Variants in SLC5A10 observed in about 807,000 individuals in gnomAD.
The protein encoded by SLC5A10 is solute carrier family 5 member 10.
Under a neutral mutation model 68.9 loss-of-function variants are expected in SLC5A10, and 55 were observed. That is an observed-to-expected ratio of 0.80 (90% CI 0.64 to 1.00). SLC5A10 has a LOEUF of 1.00. Among genes scored for constraint, SLC5A10 ranks in the 50% least tolerant of loss-of-function variants. The pLI, the probability that SLC5A10 is intolerant of heterozygous loss-of-function variation, is 0.00. For synonymous variants in SLC5A10, 344 were observed against 344.8 expected, an observed-to-expected ratio of 1.00 and a Z score of 0.02; for missense variants, 732 against 819.3, an observed-to-expected ratio of 0.89 and a Z score of 1.30.
intron 9 of SLC5A10, among the ~76,000 whole-genome samples, chr17:19,009,775 A>G (rs1160986421): frequency 1.3e-5 from 2 of 152,092 alleles, no homozygotes; most frequent in African/African-American, 4.8e-5. Context: ...CTGAGGCCCC[A>G]TAGTCATAGT....
At chr17:18,964,909 G>A (rs911022550) in intron 5 of SLC5A10, among the ~76,000 whole-genome samples, 3 of 152,120 alleles carry the variant, frequency 2.0e-5, no homozygotes, top group African/African-American at 4.8e-5. Context: ...TTGGGAGGCC[G>A]AGGCGGGTGG....
intron 1 of SLC5A10, chr17:18,953,707 T>A (rs1349977187): frequency 6.6e-6 from 1 of 152,584 alleles, no homozygotes; most frequent in Non-Finnish European, 1.5e-5. Context: ...AAATTAATTA[T>A]CACAGGTTGG....
chr17:19,013,994 C>T (rs1320537070), intron 10 of SLC5A10, among the ~76,000 whole-genome samples: 2 of 152,158 alleles, frequency 1.3e-5, no homozygotes, highest in South Asian at 2.1e-4. Flanking sequence ...ACTCACTTTC[C>T]TTTGGGCTCC....
intron 9 of SLC5A10, among the ~76,000 whole-genome samples, chr17:19,007,856 A>G (rs1370410234): frequency 6.6e-6 from 1 of 152,254 alleles, no homozygotes; most frequent in Non-Finnish European, 1.5e-5. Context: ...GTCAAAATGA[A>G]AATGTAGAGA....
intron 9 of SLC5A10, among the ~76,000 whole-genome samples, chr17:19,005,382 G>T (rs1022783249): frequency 2.7e-5 from 4 of 149,850 alleles, no homozygotes; most frequent in Admixed American, 2.7e-4. Context: ...TCTGCTGAGC[G>T]TCCCCTGGGG....
At chr17:18,992,148 G>A (rs765591006) in intron 9 of SLC5A10, among the ~76,000 whole-genome samples, 5 of 152,100 alleles carry the variant, frequency 3.3e-5, no homozygotes, top group African/African-American at 4.8e-5. Flanking sequence ...GCCCTCCAGC[G>A]CCCCGCCCGA....
At chr17:18,999,574 A>G (rs2043673273) in intron 9 of SLC5A10, among the ~76,000 whole-genome samples, 1 of 152,210 alleles carries the variant, frequency 6.6e-6, no homozygotes, top group African/African-American at 2.4e-5. Flanking sequence ...GGAGGATTAC[A>G]CAGCATGGTA....
intron 5 of SLC5A10, among the ~76,000 whole-genome samples, chr17:18,963,270 A>G (rs1682718510): frequency 6.6e-6 from 1 of 152,242 alleles, no homozygotes; most frequent in African/African-American, 2.4e-5. Context: ...TGACACACTG[A>G]GGTCCAGGTC....
rs545100920 is a variant in SLC5A10, at chr17:18,958,829, C to A, written c.183+76C>A. 9.5e-5 allele frequency: 146 copies of A among 1,536,998 alleles called. 1 individual carries two copies. In the South Asian group the frequency reaches 1.4e-3, roughly 14 times the overall value. ...GTCTGATCTCTAGGTCACCTGGCAT[C>A]TGTATCTTTGAGCCAGTCCAATTCA... On this transcript the variant is annotated intron_variant, in intron 2 of 14. Transcript: ENST00000395645.
chr17:18,997,199 G>C (rs1393975278), intron 9 of SLC5A10, among the ~76,000 whole-genome samples: 1 of 152,224 alleles, frequency 6.6e-6, no homozygotes, highest in Non-Finnish European at 1.5e-5. Context: ...TGACCAGGAG[G>C]CTCAGCCTAG....
chr17:19,004,647 T>C lies in SLC5A10; in HGVS notation c.983-8763T>C, dbSNP rs2043830491. ...GGGTCCAGGAGACCCAGAAACGCGG[T>C]TGCGGGGCGGCGACGCCCCGCGAGA... On this transcript the variant is annotated intron_variant, in intron 9 of 14. Transcript: ENST00000395645. This position sits in a 1 kb window ranked among gnomAD's most constrained non-coding sequence, Gnocchi z 5.4. The C allele has an allele frequency of 6.6e-6, 1 of 151,530 alleles. No homozygotes were observed. The highest frequency in any genetic ancestry group is 2.4e-5 in the African/African-American group (1 of 41,292). The allele number at this position is 151,530 out of a possible 1,614,324, so 9.4% of individuals were successfully genotyped here.
At chr17:18,974,443 G>A (rs893827536) in intron 8 of SLC5A10, among the ~76,000 whole-genome samples, 1 of 152,256 alleles carries the variant, frequency 6.6e-6, no homozygotes, top group Non-Finnish European at 1.5e-5. Context: ...CTATGCCCCT[G>A]CCCCTCCCTG....
chr17:18,984,426 C>T (rs1195408618), intron 9 of SLC5A10, among the ~76,000 whole-genome samples: 1 of 152,066 alleles, frequency 6.6e-6, no homozygotes, highest in Non-Finnish European at 1.5e-5. Flanking sequence ...AACACCCAGG[C>T]ATCCCCGGGG....
At chr17:18,977,464 A>G in intron 9 of SLC5A10, 1 of 1,018,656 alleles carries the variant, frequency 9.8e-7, no homozygotes, top group Non-Finnish European at 1.4e-6. Flanking sequence ...CCCATCTGTA[A>G]CAAGGGAATT....
In SLC5A10 at chr17:18,996,327, GT is replaced by G. The variant is rs1224087909; in HGVS notation, c.983-17078del. 1.3e-5 allele frequency among the ~76,000 whole-genome samples: 2 copies of G among 152,060 alleles called. No homozygotes were observed. Among genetic ancestry groups the G allele is most frequent in the African/African-American group, 4.8e-5 (2 of 41,406 alleles). On this transcript the variant is annotated intron_variant, in intron 9 of 14. Coordinates refer to ENST00000395645, the MANE Select transcript of SLC5A10 (RefSeq NM_001042450.4). The surrounding 1 kb of genome is among the most constrained non-coding windows in gnomAD (Gnocchi z 4.4). ...GGACAGACGTGGCTGCAGCACCTCA[GT>G]TTTTCTATCATGACATGGTCCCACT...
At chr17:18,963,788 G>A (rs144810182) in intron 5 of SLC5A10, among the ~76,000 whole-genome samples, 42 of 152,362 alleles carry the variant, frequency 2.8e-4, no homozygotes, top group African/African-American at 9.6e-4. Flanking sequence ...ACCCTCAGAC[G>A]AATGGGCCCA....
chr17:19,007,050 A>G (rs1261696809), intron 9 of SLC5A10, among the ~76,000 whole-genome samples: 2 of 152,250 alleles, frequency 1.3e-5, no homozygotes, highest in Non-Finnish European at 2.9e-5. Flanking sequence ...AGTGCCCAAG[A>G]GTGTTATTCC....
intron 6 of SLC5A10, 31 bp from the exon 7 acceptor site, chr17:18,969,311 C>A: frequency 1.2e-6 from 2 of 1,607,556 alleles, no homozygotes; most frequent in Non-Finnish European, 1.7e-6. Flanking sequence ...GGGGCCAGGG[C>A]CCCCTCCAGC....
chr17:19,013,597 C>CTACTGTGGATCTAGTGTGATGTTGGG, intron 10 of SLC5A10, 80 bp downstream of exon 10: 1 of 419,510 alleles, frequency 2.4e-6, no homozygotes, highest in Non-Finnish European at 3.3e-6. Flanking sequence ...ACTGTGGAGG[C>CTACTGTGGATCTAGTGTGATGTTGGG]TGCCACTCAC....
Sources: allele counts gnomAD v4.1 joint callset (sites outside exome capture counted in the v4.1 genomes callset), GRCh38; gene constraint gnomAD v4.1.1; non-coding constraint Gnocchi (gnomAD v3.1); transcripts MANE v1.5; gene names NCBI Gene and HGNC (gene_info 2026-07-23, HGNC 2026-07-21).